The following DNAH9 variants were observed in gnomAD, a reference collection of about 807,000 sequenced individuals.
DNAH9 encodes the protein dynein axonemal heavy chain 9.
In DNAH9, 345 loss-of-function variants were observed where a neutral mutation model predicts 471.6. That is an observed-to-expected ratio of 0.73 (90% CI 0.67 to 0.80). The LOEUF (loss-of-function observed/expected upper bound fraction) is 0.80, where lower values mean the gene tolerates loss of function less well. DNAH9 is among the 30% of genes least tolerant of loss of function. The probability of loss-of-function intolerance (pLI) is 0.00; values close to 1 mark genes in which losing one functional copy is unlikely to be tolerated. For missense variants in DNAH9, 5,407 were observed against 5,609.2 expected, an observed-to-expected ratio of 0.96 and a Z score of 1.15; for synonymous variants, 2,093 against 2,123.6, an observed-to-expected ratio of 0.99 and a Z score of 0.40.
intron 61 of DNAH9, among the ~76,000 whole-genome samples, chr17:11,919,530 C>T (rs1974068588): frequency 6.6e-6 from 1 of 151,048 alleles, no homozygotes; most frequent in South Asian, 2.1e-4. Context: ...AAGAGGGATC[C>T]ATTAGGAGAC....
At chr17:11,860,702 C>T (rs1971813222) in intron 50 of DNAH9, among the ~76,000 whole-genome samples, 1 of 152,146 alleles carries the variant, frequency 6.6e-6, no homozygotes, top group Non-Finnish European at 1.5e-5. Flanking sequence ...GCTGGGATTA[C>T]AGGCATGTGC....
At position 11,763,493 on chromosome 17, in the gene DNAH9, A is replaced by G. The variant is rs1483564829; in HGVS notation, c.7049A>G (p.His2350Arg). The change falls in exon 36 of 69, where the codon CAC (histidine) becomes CGC (arginine). Residue 2350 changes from histidine (H) to arginine (R), a missense_variant. His to Arg is a conservative substitution (Grantham distance 29). This residue lies in a region of DNAH9 where 4,636 missense variants were observed against 4,900.3 expected (regional missense o/e 0.95). Coordinates refer to ENST00000262442, the MANE Select transcript of DNAH9 (RefSeq NM_001372.4). ...PEQSMVQMVCHLLECLLTTED... is the reference protein window; with the variant it reads ...PEQSMVQMVCRLLECLLTTED... ...CAGAGCATGGTTCAGATGGTGTGTC[A>G]CCTTCTGGAATGTCTCCTGACCACG... 2 of 1,613,992 alleles carry G rather than the reference A, an allele frequency of 1.2e-6. No homozygotes were observed.
rs561642440 is a variant in DNAH9 at position 11,746,301 on chromosome 17, G to A, written c.6399+1217G>A. 5.9e-5 allele frequency among the ~76,000 whole-genome samples: 9 copies of A among 152,258 alleles called. No individual in the cohort carries two copies. In the South Asian group the frequency reaches 1.9e-3, roughly 32 times the overall value. On this transcript the variant is annotated intron_variant, in intron 31 of 68. Transcript: ENST00000262442. ...CAAGTCCTTCCTCACAAGGCAGAAG[G>A]AAAGAGAGAGAAAGAGTGGAGGGGA...
chr17:11,967,630 A>T (rs1976847459), intron 68 of DNAH9, among the ~76,000 whole-genome samples: 1 of 152,220 alleles, frequency 6.6e-6, no homozygotes, highest in African/African-American at 2.4e-5. Context: ...TTAAAAAGGC[A>T]GAGATTAGCT....
intron 49 of DNAH9, among the ~76,000 whole-genome samples, chr17:11,843,837 G>T (rs1480326268): frequency 2.9e-5 from 2 of 68,802 alleles, no homozygotes; most frequent in African/African-American, 4.7e-5. Context: ...ACATGTATAT[G>T]TGTTTGTGTG....
rs754980225 is a variant in DNAH9 at position 11,669,780 on chromosome 17, C to G, written c.3339C>G (p.Asp1113Glu). 1 of 1,613,688 alleles carries G rather than the reference C, an allele frequency of 6.2e-7. No homozygotes were observed. The highest frequency in any genetic ancestry group is 1.1e-5 in the South Asian group (1 of 91,064). ...WSLLFKQHLVDHVTHSLANLD... is the reference protein window; with the variant it reads ...WSLLFKQHLVEHVTHSLANLD... The stretch of plus-strand genomic sequence containing the variant: ...TCCTGTTCAAACAGCATCTTGTGGA[C>G]CACGTCACTCACAGGTACAACAGTT... Residue 1113 changes from aspartate (D) to glutamate (E), a missense_variant, in exon 17 of 69, where the codon GAC (aspartate) becomes GAG (glutamate). Coordinates refer to ENST00000262442, the MANE Select transcript of DNAH9 (RefSeq NM_001372.4).
Position 11,744,474 on chromosome 17 carries a change from C to T in DNAH9, c.6112-323C>T, listed in dbSNP as rs191713328. Among the ~76,000 whole-genome samples, 8 of 152,286 alleles carry T rather than the reference C, an allele frequency of 5.3e-5. No individual in the cohort carries two copies. The East Asian group carries it at 1.5e-3, about 29-fold the overall frequency. The stretch of plus-strand genomic sequence containing the variant: ...CTCTAAGAGTTAACATGGCTCCCTC[C>T]TTGACAGCCCTTCCAATTCTACCTG... On this transcript the variant is annotated intron_variant, in intron 30 of 68. Coordinates refer to ENST00000262442, the MANE Select transcript of DNAH9 (RefSeq NM_001372.4).
At chr17:11,678,997 G>A (rs755732111) in intron 17 of DNAH9, among the ~76,000 whole-genome samples, 35 of 151,902 alleles carry the variant, frequency 2.3e-4, no homozygotes, top group Non-Finnish European at 4.4e-4. Flanking sequence ...TTTCAGCTTT[G>A]TTGAAATTTA....
At chr17:11,633,011 T>C (rs767771073) in intron 8 of DNAH9, among the ~76,000 whole-genome samples, 3 of 152,100 alleles carry the variant, frequency 2.0e-5, no homozygotes, top group Non-Finnish European at 4.4e-5. Context: ...TGCAATACCA[T>C]GGCTATTTAA....
At chr17:11,727,593 T>C (rs181475489) in intron 27 of DNAH9, among the ~76,000 whole-genome samples, 1 of 152,300 alleles carries the variant, frequency 6.6e-6, no homozygotes, top group East Asian at 1.9e-4. Flanking sequence ...TTTAAAGGGA[T>C]TTTCATCCAA....
intron 12 of DNAH9, among the ~76,000 whole-genome samples, chr17:11,648,741 T>TG (rs985541469): frequency 6.6e-6 from 1 of 151,894 alleles, no homozygotes; most frequent in African/African-American, 2.4e-5. Flanking sequence ...TGTGAGTTGA[T>TG]GGGGGACAAC....
intron 60 of DNAH9, among the ~76,000 whole-genome samples, chr17:11,903,426 G>A (rs926694577): frequency 2.6e-5 from 4 of 152,144 alleles, no homozygotes; most frequent in Admixed American, 6.5e-5. Flanking sequence ...GTTCTAAAAC[G>A]GGGTTATGGT....
intron 50 of DNAH9, among the ~76,000 whole-genome samples, chr17:11,862,985 C>G (rs1250287191): frequency 6.6e-6 from 1 of 152,044 alleles, no homozygotes; most frequent in Non-Finnish European, 1.5e-5. Flanking sequence ...ATTTGACTTC[C>G]TCTTTTCCTA....
chr17:11,607,014 GA>G (rs1374130294), intron 1 of DNAH9, among the ~76,000 whole-genome samples: 1 of 152,064 alleles, frequency 6.6e-6, no homozygotes, highest in Admixed American at 6.6e-5. Context: ...GATGAATACT[GA>G]AAAAAGAGGA....
chr17:11,807,729 T>C lies in DNAH9; in HGVS notation c.8421-3T>C, dbSNP rs759083856. ...CAACATGTGCCTGCTTCCTTCTCTT[T>C]AGCTGCCATATCAATCGCATCTTGG... On this transcript the variant is annotated splice_polypyrimidine_tract_variant and splice_region_variant and intron_variant, in intron 43 of 68. Transcript: ENST00000262442. 6.2e-7 allele frequency: 1 copy of C among 1,602,882 alleles called. No individual in the cohort carries two copies. The highest frequency in any genetic ancestry group is 1.3e-5 in the African/African-American group (1 of 74,800).
chr17:11,896,866 G>A lies in DNAH9; in HGVS notation c.11406+2370G>A, dbSNP rs142539898. ...AGCACTTTGGGAGGCCAAGGTGGGC[G>A]GATCACCTGAGGTCAGGAGTTCAAG... On this transcript the variant is annotated intron_variant, in intron 59 of 68. Transcript: ENST00000262442. Among the ~76,000 whole-genome samples the A allele has an allele frequency of 4.3e-3, 654 of 152,298 alleles. 3 individuals are homozygous for A. The highest frequency in any genetic ancestry group is 0.015 in the African/African-American group (631 of 41,572).
chr17:11,747,494 A>C, intron 31 of DNAH9, 62 bp from the exon 32 acceptor site: 4 of 1,343,980 alleles, frequency 3.0e-6, no homozygotes, highest in Non-Finnish European at 4.2e-6. Flanking sequence ...GTCACAGAAG[A>C]GCAGTTGGGA....
intron 43 of DNAH9, among the ~76,000 whole-genome samples, chr17:11,804,105 G>GT (rs1485834644): frequency 2.0e-5 from 3 of 152,186 alleles, no homozygotes; most frequent in African/African-American, 7.2e-5. Flanking sequence ...TACAAAATGA[G>GT]TATATGTACT....
At chr17:11,803,399 T>TGC (rs1555598962) in intron 43 of DNAH9, among the ~76,000 whole-genome samples, 39 of 151,776 alleles carry the variant, frequency 2.6e-4, no homozygotes, top group Admixed American at 7.9e-4. Flanking sequence ...TGTGTGTGTG[T>TGC]GCGCTCGCAC....
Sources: gnomAD v4.1 joint callset for allele counts (sites outside exome capture counted in the v4.1 genomes callset) on GRCh38, gnomAD v4.1.1 for gene constraint, gnomAD v4.1.1 regional missense constraint, MANE v1.5 for transcripts, NCBI Gene and HGNC (gene_info 2026-07-23, HGNC 2026-07-21) for gene names.